The following WIPF2 variants were observed in gnomAD, a reference collection of about 807,000 sequenced individuals.
WIPF2 encodes the protein WAS/WASL interacting protein family member 2.
A neutral mutation model predicts 38.8 loss-of-function variants in WIPF2; 23 were observed. The ratio of observed to expected loss-of-function variants is 0.59; its 90% CI spans 0.43 to 0.84. The LOEUF (loss-of-function observed/expected upper bound fraction) is 0.84. Ranked by LOEUF, WIPF2 falls within the 40% of genes least tolerant of loss-of-function variation. WIPF2 has a pLI of 0.00. For synonymous variants in WIPF2, 210 were observed against 223.2 expected (o/e 0.94, Z 0.53); for missense variants, 574 against 580.5 (o/e 0.99, Z 0.11).
At chr17:40,238,491 C>T (rs1483861197) in intron 1 of WIPF2, among the ~76,000 whole-genome samples, 1 of 151,816 alleles carries the variant, frequency 6.6e-6, no homozygotes, top group African/African-American at 2.4e-5. Context: ...TTTGTAGAGA[C>T]AGGGTTTTAC....
rs1187231130 is a variant in WIPF2, at chr17:40,283,150, C to A, written c.*4925C>A. The A allele has an allele frequency of 6.4e-5, 3 of 46,652 alleles. No homozygotes were observed. Among genetic ancestry groups the A allele is most frequent in the African/African-American group, 7.9e-5 (1 of 12,608 alleles). 2.9% of individuals were successfully genotyped at this position (46,652 alleles called of 1,614,324 possible). On this transcript the variant is annotated 3_prime_UTR_variant, in exon 8 of 8. Coordinates refer to ENST00000323571, the MANE Select transcript of WIPF2 (RefSeq NM_133264.5). Reference sequence around the variant, plus strand: ...GCACTGAGCTGAGATCATGCCACTGCACTAAAAAAAAAAAAAAAAAAAAAA... The same window carrying A: ...GCACTGAGCTGAGATCATGCCACTGAACTAAAAAAAAAAAAAAAAAAAAAA...
intron 1 of WIPF2, chr17:40,220,638 TG>T (rs1486354813): frequency 7.1e-6 from 1 of 140,444 alleles, no homozygotes; most frequent in Non-Finnish European, 1.5e-5. Flanking sequence ...TATATTTTTT[TG>T]TTGTTGTTGT....
Position 40,219,383 on chromosome 17 carries a change from C to CGGCGGCGGCGGT in WIPF2, c.-168_-167insTGGCGGCGGCGG. On this transcript the variant is annotated 5_prime_UTR_variant, in exon 1 of 8. Coordinates refer to ENST00000323571, the MANE Select transcript of WIPF2 (RefSeq NM_133264.5). ...AAAGGGGCGGTGGCGGCGGCGGCGG[C>CGGCGGCGGCGGT]GGCGGCGGCGGCGGCGACGGCGAGA... 2 of 407,640 alleles carry CGGCGGCGGCGGT rather than the reference C, an allele frequency of 4.9e-6. No homozygotes were observed. The highest frequency in any genetic ancestry group is 4.6e-6 in the Non-Finnish European group (1 of 216,404). The allele number at this position is 407,640 out of a possible 1,614,324, so 25.3% of individuals were successfully genotyped here.
At position 40,283,189 on chromosome 17, in the gene WIPF2, A is replaced by AAAAAAAT. The variant is rs1567729969; in HGVS notation, c.*4967_*4968insAAATAAA. ...AAAAAAAAAAAAAAAAAAAAAAAAA[A>AAAAAAAT]AAATTCTAGAGTTCTAGTTACCCTT... On this transcript the variant is annotated 3_prime_UTR_variant, in exon 8 of 8. Transcript: ENST00000323571. 6.8e-6 allele frequency: 1 copy of AAAAAAAT among 146,574 alleles called. No homozygotes were observed. Among genetic ancestry groups the AAAAAAAT allele is most frequent in the East Asian group, 2.0e-4 (1 of 5,046 alleles). The allele number at this position is 146,574 out of a possible 1,614,324, so 9.1% of individuals were successfully genotyped here. A position where few individuals can be genotyped will look rare whatever the true frequency, so the allele number is the denominator to read the frequency against.
intron 1 of WIPF2, among the ~76,000 whole-genome samples, chr17:40,226,875 G>A (rs1363972363): frequency 1.3e-5 from 2 of 151,864 alleles, no homozygotes; most frequent in East Asian, 3.9e-4. Context: ...CTGAGTAGCT[G>A]AGATTACAGG....
rs746967785 is a variant in WIPF2 at position 40,273,804 on chromosome 17, C to T, written c.985C>T (p.Pro329Ser). Residue 329 changes from proline (P) to serine (S), a missense_variant, in exon 6 of 8, where the codon CCA (proline) becomes TCA (serine). Coordinates refer to ENST00000323571, the MANE Select transcript of WIPF2 (RefSeq NM_133264.5). ...PSRGAAPPPP[P>S]PVIRNGARDA... Reference sequence around the variant, plus strand: ...TTTAATTGCAGCTCCTCCACCCCCACCACCTGTGATCCGAAATGGTGCCAG... The same window carrying T: ...TTTAATTGCAGCTCCTCCACCCCCATCACCTGTGATCCGAAATGGTGCCAG... 1 of 1,607,220 alleles carries T rather than the reference C, an allele frequency of 6.2e-7. No homozygotes were observed.
At chr17:40,254,921 G>A (rs1053609871) in intron 1 of WIPF2, among the ~76,000 whole-genome samples, 1 of 151,972 alleles carries the variant, frequency 6.6e-6, no homozygotes, top group Non-Finnish European at 1.5e-5. Flanking sequence ...AGTAGACATG[G>A]GGTTTCACAT....
At chr17:40,232,720 A>G (rs1229810660) in intron 1 of WIPF2, among the ~76,000 whole-genome samples, 10 of 147,156 alleles carry the variant, frequency 6.8e-5, no homozygotes, top group Non-Finnish European at 1.4e-4. Context: ...GCTCACTGCA[A>G]CCTCTGCCTC....
In WIPF2 at chr17:40,274,133, G is replaced by A. The variant is rs1598501448; in HGVS notation, c.1180+134G>A. On this transcript the variant is annotated intron_variant, in intron 6 of 7. Transcript: ENST00000323571. ...CTTTGTTCACAATAGTTCTCCTGCT[G>A]ACTTCATCCTCAGAGGTATGGGCTG... The A allele has an allele frequency of 6.0e-6, 4 of 671,306 alleles. No homozygotes were observed. The East Asian group carries it at 1.3e-4, about 21-fold the overall frequency. 41.6% of individuals were successfully genotyped at this position (671,306 alleles called of 1,614,324 possible).
At position 40,253,696 on chromosome 17, in the gene WIPF2, C is replaced by T. The variant is rs2031631190; in HGVS notation, c.-69-2695C>T. On this transcript the variant is annotated intron_variant, in intron 1 of 7. Transcript: ENST00000323571. The stretch of plus-strand genomic sequence containing the variant: ...CTTGAAGTGAGTACAGACACCATTC[C>T]CCACAGGAACCACTTAGCCTGAGGA... Among the ~76,000 whole-genome samples the T allele has an allele frequency of 1.3e-5, 2 of 152,146 alleles. 1 individual carries two copies. Among genetic ancestry groups the T allele is most frequent in the South Asian group, 4.1e-4 (2 of 4,832 alleles).
At chr17:40,220,615 A>ATATG (rs1315492744) in intron 1 of WIPF2, 5 of 82,808 alleles carry the variant, frequency 6.0e-5, no homozygotes, top group African/African-American at 1.5e-4. Context: ...ATATATATAT[A>ATATG]TATGTATATA....
chr17:40,268,175 A>C (rs1318165187), intron 5 of WIPF2, among the ~76,000 whole-genome samples: 1 of 152,198 alleles, frequency 6.6e-6, no homozygotes, highest in Non-Finnish European at 1.5e-5. Flanking sequence ...TATATCATTA[A>C]GTAGCAAGGC....
chr17:40,228,436 G>A (rs1250525130), intron 1 of WIPF2, among the ~76,000 whole-genome samples: 2 of 152,166 alleles, frequency 1.3e-5, no homozygotes, highest in Non-Finnish European at 2.9e-5. Context: ...CTGCAGTGAA[G>A]AAGCATATAT....
At position 40,228,038 on chromosome 17, in the gene WIPF2, C is replaced by T. The variant is rs577190288; in HGVS notation, c.-70+8546C>T. 2.4e-4 allele frequency among the ~76,000 whole-genome samples: 19 copies of T among 79,630 alleles called. No individual in the cohort carries two copies. In the East Asian group the frequency reaches 4.3e-3, roughly 18 times the overall value. 52.2% of individuals were successfully genotyped at this position (79,630 alleles called of 152,430 possible). On this transcript the variant is annotated intron_variant, in intron 1 of 7. Coordinates refer to ENST00000323571, the MANE Select transcript of WIPF2 (RefSeq NM_133264.5). ...TTTTTTTTTTTTTTTTTTTTTGAGA[C>T]GGAGTCTCGCTCTGTCGCCCAGGCT...
intron 1 of WIPF2, among the ~76,000 whole-genome samples, chr17:40,245,863 A>T (rs951312673): frequency 6.6e-6 from 1 of 152,160 alleles, no homozygotes; most frequent in African/African-American, 2.4e-5. Context: ...TTCAATATTT[A>T]TTAAGTGGTT....
intron 1 of WIPF2, among the ~76,000 whole-genome samples, chr17:40,247,207 GTTTTTTTTTTT>G (rs775838379): frequency 1.3e-4 from 15 of 116,978 alleles, no homozygotes; most frequent in East Asian, 4.9e-4. Flanking sequence ...TTATTTCAGG[GTTTTTTTTTTT>G]TTTTTTTTTT....
In WIPF2 at chr17:40,283,186, A is replaced by T. The variant is rs1287545473; in HGVS notation, c.*4961A>T. On this transcript the variant is annotated 3_prime_UTR_variant, in exon 8 of 8. Coordinates refer to ENST00000323571, the MANE Select transcript of WIPF2 (RefSeq NM_133264.5). ...AAAAAAAAAAAAAAAAAAAAAAAAA[A>T]AAAAAATTCTAGAGTTCTAGTTACC... The T allele has an allele frequency of 6.7e-6, 1 of 148,542 alleles. No individual in the cohort carries two copies. The highest frequency in any genetic ancestry group is 1.9e-4 in the East Asian group (1 of 5,186). The allele number at this position is 148,542 out of a possible 1,614,324, so 9.2% of individuals were successfully genotyped here. A position where few individuals can be genotyped will look rare whatever the true frequency, so the allele number is the denominator to read the frequency against.
chr17:40,234,212 CA>C (rs1363136147), intron 1 of WIPF2, among the ~76,000 whole-genome samples: 1 of 151,988 alleles, frequency 6.6e-6, no homozygotes, highest in East Asian at 1.9e-4. Flanking sequence ...ACTAAAAATA[CA>C]AAAATTAGCT....
At chr17:40,248,614 A>G (rs2031453494) in intron 1 of WIPF2, among the ~76,000 whole-genome samples, 1 of 152,086 alleles carries the variant, frequency 6.6e-6, no homozygotes. Context: ...CTCTCTTTCT[A>G]CCAAACATTT....
Sources: allele counts gnomAD v4.1 joint callset (sites outside exome capture counted in the v4.1 genomes callset), GRCh38; gene constraint gnomAD v4.1.1; transcripts MANE v1.5; gene names NCBI Gene and HGNC (gene_info 2026-07-23, HGNC 2026-07-21).